The following TMEM132C variants were observed in gnomAD, a reference collection of about 807,000 sequenced individuals.
TMEM132C encodes transmembrane protein 132C.
TMEM132C carries 29 observed loss-of-function variants against 61.4 expected under a neutral mutation model. That is an observed-to-expected ratio of 0.47 (90% CI 0.35 to 0.64). The LOEUF (loss-of-function observed/expected upper bound fraction) is 0.64, where lower values mean the gene tolerates loss of function less well. TMEM132C is among the 30% of genes least tolerant of loss of function. The pLI, the probability that TMEM132C is intolerant of heterozygous loss-of-function variation, is 0.00. For missense variants in TMEM132C, 1,408 were observed against 1,476.9 expected (o/e 0.95, Z 0.76); for synonymous variants, 656 against 633.1 (o/e 1.04, Z -0.54).
chr12:128,334,158 G>A (rs948673823), intron 1 of TMEM132C, among the ~76,000 whole-genome samples: 10 of 152,212 alleles, frequency 6.6e-5, no homozygotes, highest in Non-Finnish European at 1.5e-4. Flanking sequence ...GAGCTGGAAA[G>A]CATCAAAAAG....
chr12:128,650,799 G>A (rs1307612294), intron 4 of TMEM132C, among the ~76,000 whole-genome samples: 1 of 152,128 alleles, frequency 6.6e-6, no homozygotes, highest in Non-Finnish European at 1.5e-5. Context: ...CACTCATAGG[G>A]CACCTGAGAA....
At chr12:128,352,651 G>T (rs1479356953) in intron 1 of TMEM132C, among the ~76,000 whole-genome samples, 1 of 152,218 alleles carries the variant, frequency 6.6e-6, no homozygotes, top group African/African-American at 2.4e-5. Context: ...GGAGGGAGAT[G>T]ATGGACGCAA....
chr12:128,385,840 G>T (rs542750307), intron 1 of TMEM132C, among the ~76,000 whole-genome samples: 1 of 152,198 alleles, frequency 6.6e-6, no homozygotes, highest in African/African-American at 2.4e-5. Flanking sequence ...GCAGCCGCAA[G>T]TGAGAGTCAT....
chr12:128,436,040 A>C (rs1869576963), intron 2 of TMEM132C, among the ~76,000 whole-genome samples: 1 of 152,180 alleles, frequency 6.6e-6, no homozygotes. Flanking sequence ...CAAAAACAAG[A>C]AATGGGGAAA....
chr12:128,643,888 G>A lies in TMEM132C; in HGVS notation c.1306-25529G>A, dbSNP rs548899567. On this transcript the variant is annotated intron_variant, in intron 4 of 8. Coordinates refer to ENST00000435159, the MANE Select transcript of TMEM132C (RefSeq NM_001136103.3). ...AAGTATGATGTTACAGTAATGGCTC[G>A]ATGAACTTGAGCCAAAAAAAAGCAA... Among the ~76,000 whole-genome samples the A allele has an allele frequency of 1.1e-4, 16 of 151,938 alleles. No homozygotes were observed. In the South Asian group the frequency reaches 3.1e-3, roughly 30 times the overall value.
intron 4 of TMEM132C, among the ~76,000 whole-genome samples, chr12:128,618,703 C>A (rs1032349839): frequency 2.0e-5 from 3 of 152,206 alleles, no homozygotes; most frequent in African/African-American, 4.8e-5. Flanking sequence ...CTCTCATTCT[C>A]TCTTCCCGTC....
chr12:128,427,387 G>GT (rs1869224289), intron 2 of TMEM132C, among the ~76,000 whole-genome samples: 8 of 132,292 alleles, frequency 6.0e-5, no homozygotes, highest in African/African-American at 2.1e-4. Flanking sequence ...CTTCCAAAGG[G>GT]GTGTGTGTGT....
At chr12:128,277,507 T>C (rs1487641702) in intron 1 of TMEM132C, among the ~76,000 whole-genome samples, 1 of 152,206 alleles carries the variant, frequency 6.6e-6, no homozygotes, top group Non-Finnish European at 1.5e-5. Flanking sequence ...GCCCACTTAC[T>C]GCGGACTTAA....
chr12:128,560,795 A>T (rs1874481608), intron 3 of TMEM132C, among the ~76,000 whole-genome samples: 1 of 152,192 alleles, frequency 6.6e-6, no homozygotes, highest in African/African-American at 2.4e-5. Context: ...CTTTGTAACA[A>T]TATGTTGAGT....
Position 128,706,478 on chromosome 12 carries a change from G to A in TMEM132C, c.*183G>A, listed in dbSNP as rs1483630050. On this transcript the variant is annotated 3_prime_UTR_variant, in exon 9 of 9. Transcript: ENST00000435159. ...TATCAAGGGATTTTTAGCAGTTAAT[G>A]GTGGTGGATTTTTAAAGGTCAGGGG... The A allele has an allele frequency of 2.6e-6, 2 of 783,200 alleles. No individual in the cohort carries two copies. The highest frequency in any genetic ancestry group is 1.7e-5 in the African/African-American group (1 of 57,986). 48.5% of individuals were successfully genotyped at this position (783,200 alleles called of 1,614,324 possible). A position where few individuals can be genotyped will look rare whatever the true frequency, so the allele number is the denominator to read the frequency against.
chr12:128,591,833 C>G (rs917054793), intron 3 of TMEM132C, among the ~76,000 whole-genome samples: 4 of 152,008 alleles, frequency 2.6e-5, no homozygotes, highest in African/African-American at 7.2e-5. Context: ...AGGTGGATCA[C>G]TTGAGGTCAG....
At chr12:128,358,983 C>G (rs1343950845) in intron 1 of TMEM132C, among the ~76,000 whole-genome samples, 2 of 152,144 alleles carry the variant, frequency 1.3e-5, no homozygotes, top group Non-Finnish European at 2.9e-5. Flanking sequence ...CCATGCTAGA[C>G]ACTCTACTGC....
At position 128,298,524 on chromosome 12, in the gene TMEM132C, C is replaced by T. The variant is rs190315894; in HGVS notation, c.85+31037C>T. On this transcript the variant is annotated intron_variant, in intron 1 of 8. Transcript: ENST00000435159. ...CTGGTGATTGCATCTCACGTAACTA[C>T]GGTACGTACGACTCACAGCCAGGAA... is the stretch of plus-strand genomic sequence containing the variant. Among the ~76,000 whole-genome samples the T allele has an allele frequency of 9.9e-5, 15 of 152,260 alleles. 1 individual carries two copies. The highest frequency in any genetic ancestry group is 4.2e-4 in the South Asian group (2 of 4,816).
chr12:128,522,126 C>T (rs965697074), intron 2 of TMEM132C, among the ~76,000 whole-genome samples: 4 of 152,162 alleles, frequency 2.6e-5, no homozygotes, highest in Admixed American at 2.0e-4. Flanking sequence ...GGAGAAATTC[C>T]GAACCCCATG....
At chr12:128,389,742 A>C (rs969959635) in intron 1 of TMEM132C, among the ~76,000 whole-genome samples, 2 of 152,224 alleles carry the variant, frequency 1.3e-5, no homozygotes, top group African/African-American at 4.8e-5. Context: ...AGGCAGGGGC[A>C]CACTGAGTAG....
At chr12:128,490,716 AG>A (rs1182436328) in intron 2 of TMEM132C, among the ~76,000 whole-genome samples, 1 of 152,218 alleles carries the variant, frequency 6.6e-6, no homozygotes, top group Admixed American at 6.5e-5. Flanking sequence ...ATGGTCAATC[AG>A]GGGAATAGGG....
intron 1 of TMEM132C, among the ~76,000 whole-genome samples, chr12:128,275,468 T>C (rs114304152): frequency 0.019 from 2,848 of 152,314 alleles, 90 homozygotes; most frequent in African/African-American, 0.064. Flanking sequence ...GATGGTCTAG[T>C]TGCAGGAAGA....
At position 128,424,069 on chromosome 12, in the gene TMEM132C, A is replaced by AAG. The variant is rs1267892355; in HGVS notation, c.974+8450_974+8451insGA. On this transcript the variant is annotated intron_variant, in intron 2 of 8. Coordinates refer to ENST00000435159, the MANE Select transcript of TMEM132C (RefSeq NM_001136103.3). The stretch of plus-strand genomic sequence containing the variant: ...CTCAAAAAAAAAAAAAAAAAAAAAA[A>AAG]ACTTTGGGAGGCTAATCCATTGCAG... Among the ~76,000 whole-genome samples the AAG allele has an allele frequency of 2.6e-3, 381 of 149,202 alleles. 5 individuals carry two copies. Among genetic ancestry groups the AAG allele is most frequent in the Middle Eastern group, 0.017 (5 of 286 alleles).
rs185475864 is a variant in TMEM132C at position 128,694,338 on chromosome 12, T to C, written c.1655+304T>C. ...CTTGGTTACCAGGTAATTTGAAGTT[T>C]GGTTTATTTTCTCCAAAAAAAAGTC... On this transcript the variant is annotated intron_variant, in intron 6 of 8. Coordinates refer to ENST00000435159, the MANE Select transcript of TMEM132C (RefSeq NM_001136103.3). Among the ~76,000 whole-genome samples the C allele has an allele frequency of 7.4e-3, 1,124 of 152,330 alleles. 14 individuals are homozygous for C. The highest frequency in any genetic ancestry group is 0.025 in the African/African-American group (1,055 of 41,570).
Sources: gnomAD v4.1 joint callset for allele counts (sites outside exome capture counted in the v4.1 genomes callset) on GRCh38, gnomAD v4.1.1 for gene constraint, MANE v1.5 for transcripts, NCBI Gene and HGNC (gene_info 2026-07-23, HGNC 2026-07-21) for gene names.